Variants in MACROD2 observed in about 807,000 individuals in gnomAD.
The protein encoded by MACROD2 is mono-ADP ribosylhydrolase 2.
A neutral mutation model predicts 70.4 loss-of-function variants in MACROD2; 36 were observed. The ratio of observed to expected loss-of-function variants is 0.51; its 90% confidence interval spans 0.39 to 0.68. MACROD2 has a LOEUF of 0.68. Ranked by LOEUF, MACROD2 falls within the 30% of genes least tolerant of loss-of-function variation. MACROD2 has a pLI of 0.00. For synonymous variants in MACROD2, 172 were observed against 178.8 expected, an observed-to-expected ratio of 0.96 and a Z score of 0.30; for missense variants, 496 against 538.4, an observed-to-expected ratio of 0.92 and a Z score of 0.78.
intron 4 of MACROD2, among the ~76,000 whole-genome samples, chr20:14,574,661 A>G (rs918383742): frequency 6.6e-6 from 1 of 150,926 alleles, no homozygotes; most frequent in Non-Finnish European, 1.5e-5. Context: ...ATATATTATT[A>G]TGAAATATAT....
chr20:14,035,035 A>T (rs956702767), intron 2 of MACROD2, among the ~76,000 whole-genome samples: 1 of 152,158 alleles, frequency 6.6e-6, no homozygotes, highest in Non-Finnish European at 1.5e-5. Context: ...TTTTTACCAT[A>T]TAATTTCCTA....
At position 14,198,181 on chromosome 20, in the gene MACROD2, GGA is replaced by G. The variant is rs372434781; in HGVS notation, c.271+112465_271+112466del. Among the ~76,000 whole-genome samples, 255 of 151,312 alleles carry G rather than the reference GGA, an allele frequency of 1.7e-3. 1 individual carries two copies. Among genetic ancestry groups the G allele is most frequent in the African/African-American group, 5.8e-3 (241 of 41,248 alleles). On this transcript the variant is annotated intron_variant, in intron 3 of 17. Transcript: ENST00000684519. ...GAGAAAGAGAGAGAGAAGGTAAGAG[GGA>G]GAGAGAGAGAGGGAGAGGAAAAGAG...
At chr20:15,764,324 C>T (rs2147002848) in intron 8 of MACROD2, among the ~76,000 whole-genome samples, 1 of 152,184 alleles carries the variant, frequency 6.6e-6, no homozygotes, top group Non-Finnish European at 1.5e-5. Context: ...ATTACTTGAC[C>T]ATTAGAAAGA....
At chr20:15,455,208 A>G (rs1205049077) in intron 7 of MACROD2, among the ~76,000 whole-genome samples, 2 of 152,130 alleles carry the variant, frequency 1.3e-5, no homozygotes, top group Non-Finnish European at 2.9e-5. Flanking sequence ...CCTGTCACCA[A>G]TGGGCCCATT....
chr20:15,810,831 T>A (rs2147086619), intron 8 of MACROD2, among the ~76,000 whole-genome samples: 1 of 151,888 alleles, frequency 6.6e-6, no homozygotes, highest in East Asian at 1.9e-4. Flanking sequence ...AAACAAGCAA[T>A]GGGGAAAGGA....
chr20:15,204,026 T>C (rs902466337), intron 5 of MACROD2, among the ~76,000 whole-genome samples: 1 of 152,114 alleles, frequency 6.6e-6, no homozygotes, highest in Non-Finnish European at 1.5e-5. Flanking sequence ...AATGTCTGTG[T>C]ATCAATCAAC....
chr20:15,010,342 A>G (rs2075073077), intron 5 of MACROD2, among the ~76,000 whole-genome samples: 1 of 152,194 alleles, frequency 6.6e-6, no homozygotes, highest in Non-Finnish European at 1.5e-5. Flanking sequence ...AGCCACTTTT[A>G]TCTCTTCTGC....
intron 7 of MACROD2, among the ~76,000 whole-genome samples, chr20:15,460,830 C>T (rs1274974622): frequency 6.6e-6 from 1 of 151,532 alleles, no homozygotes; most frequent in Non-Finnish European, 1.5e-5. Context: ...GTGATCTTTT[C>T]TATGAAATCA....
chr20:16,050,105 G>A lies in MACROD2; in HGVS notation c.*229G>A, dbSNP rs964719797. On this transcript the variant is annotated 3_prime_UTR_variant, in exon 18 of 18. Coordinates refer to ENST00000684519, the MANE Select transcript of MACROD2 (RefSeq NM_001351661.2). ...ATTTGGTGGAGGGACCCATGTTGACGCATCTTTCAGGCATTATCCTTGTAA... is the reference window on the plus strand; with the variant it reads ...ATTTGGTGGAGGGACCCATGTTGACACATCTTTCAGGCATTATCCTTGTAA... 4.5e-5 allele frequency: 19 copies of A among 418,544 alleles called. No homozygotes were observed. The highest frequency in any genetic ancestry group is 2.2e-4 in the African/African-American group (11 of 49,346). The allele number at this position is 418,544 out of a possible 1,614,324, so 25.9% of individuals were successfully genotyped here.
chr20:15,895,369 T>C (rs1391172282), intron 10 of MACROD2, among the ~76,000 whole-genome samples: 1 of 152,232 alleles, frequency 6.6e-6, no homozygotes, highest in Non-Finnish European at 1.5e-5. Context: ...GAAATGTGAA[T>C]GTGAGGCACT....
intron 4 of MACROD2, among the ~76,000 whole-genome samples, chr20:14,673,103 A>G (rs778858296): frequency 3.9e-5 from 6 of 152,214 alleles, no homozygotes; most frequent in African/African-American, 7.2e-5. Flanking sequence ...CATTGAGTTC[A>G]GTTCCAGTTC....
chr20:15,452,046 G>A (rs149377697), intron 7 of MACROD2, among the ~76,000 whole-genome samples: 48 of 152,266 alleles, frequency 3.2e-4, no homozygotes, highest in African/African-American at 1.1e-3. Context: ...CGGAGTGTCT[G>A]TCTGTGCGCT....
At chr20:15,319,254 A>G (rs991415986) in intron 6 of MACROD2, among the ~76,000 whole-genome samples, 2 of 152,208 alleles carry the variant, frequency 1.3e-5, no homozygotes, top group African/African-American at 2.4e-5. Flanking sequence ...AATTTAAATA[A>G]TAAATGAATT....
chr20:14,257,637 A>T (rs1375664920), intron 3 of MACROD2, among the ~76,000 whole-genome samples: 1 of 152,206 alleles, frequency 6.6e-6, no homozygotes, highest in African/African-American at 2.4e-5. Flanking sequence ...TTACTTAAAA[A>T]TATAAAGAGA....
intron 5 of MACROD2, among the ~76,000 whole-genome samples, chr20:14,714,547 C>G (rs1052338530): frequency 1.3e-5 from 2 of 152,210 alleles, no homozygotes; most frequent in African/African-American, 4.8e-5. Flanking sequence ...CTGGCCTCTG[C>G]CTTCTCTTCG....
chr20:14,653,676 A>G (rs758664808), intron 4 of MACROD2, among the ~76,000 whole-genome samples: 5 of 152,132 alleles, frequency 3.3e-5, no homozygotes, highest in Non-Finnish European at 7.3e-5. Context: ...CTTAAATGAT[A>G]TAACGTGTTA....
chr20:14,423,656 C>T (rs112356315), intron 3 of MACROD2, among the ~76,000 whole-genome samples: 20,328 of 142,428 alleles, frequency 0.14, 2,178 homozygotes, highest in Non-Finnish European at 0.22. Flanking sequence ...GCTGAGATCG[C>T]CTCACTGCAC....
chr20:14,618,702 A>G (rs1490437103), intron 4 of MACROD2, among the ~76,000 whole-genome samples: 1 of 152,130 alleles, frequency 6.6e-6, no homozygotes, highest in African/African-American at 2.4e-5. Context: ...CACATGCCAC[A>G]TTGAGTCCCA....
chr20:14,634,252 A>C (rs982854976), intron 4 of MACROD2, among the ~76,000 whole-genome samples: 2 of 152,202 alleles, frequency 1.3e-5, no homozygotes, highest in African/African-American at 4.8e-5. Flanking sequence ...CTTGAGTTAC[A>C]CTTTTCCATA....
Sources: allele counts gnomAD v4.1 joint callset (sites outside exome capture counted in the v4.1 genomes callset), GRCh38; gene constraint gnomAD v4.1.1; transcripts MANE v1.5; gene names NCBI Gene and HGNC (gene_info 2026-07-23, HGNC 2026-07-21).